The following TESK2 variants were observed in gnomAD, a reference collection of about 807,000 sequenced individuals.
TESK2 encodes the protein dual specificity testis-specific protein kinase 2.
A neutral mutation model predicts 57.1 loss-of-function variants in TESK2; 39 were observed. The ratio of observed to expected loss-of-function variants is 0.68; its 90% CI spans 0.53 to 0.89. TESK2 has a LOEUF of 0.89. Ranked by LOEUF, TESK2 falls within the 40% of genes least tolerant of loss-of-function variation. The pLI, the probability that TESK2 is intolerant of heterozygous loss-of-function variation, is 0.00. For synonymous variants in TESK2, 249 were observed against 267.9 expected (o/e 0.93, Z 0.69); for missense variants, 646 against 732.1 (o/e 0.88, Z 1.36).
At chr1:45,421,581 C>T (rs754960518) in intron 3 of TESK2, 144 bp downstream of exon 3, 102 of 1,146,858 alleles carry the variant, frequency 8.9e-5, no homozygotes, top group Non-Finnish European at 1.1e-4. Flanking sequence ...GGGTAGAAAA[C>T]GACCTAGAGT....
chr1:45,461,397 CA>C (rs1274805229), intron 1 of TESK2, among the ~76,000 whole-genome samples: 1 of 152,104 alleles, frequency 6.6e-6, no homozygotes, highest in East Asian at 1.9e-4. Flanking sequence ...GTCTGATCTC[CA>C]TTTTACAGAA....
At chr1:45,489,179 G>C (rs576267844) in intron 1 of TESK2, among the ~76,000 whole-genome samples, 1 of 150,296 alleles carries the variant, frequency 6.7e-6, no homozygotes, top group Admixed American at 6.6e-5. Flanking sequence ...GCTGGACCTC[G>C]AAAGCACGTG....
At chr1:45,447,721 C>T (rs1222225676) in intron 2 of TESK2, among the ~76,000 whole-genome samples, 1 of 152,042 alleles carries the variant, frequency 6.6e-6, no homozygotes, top group Admixed American at 6.5e-5. Context: ...ATACTTTATA[C>T]AATTGGCACT....
chr1:45,481,273 G>C (rs1173031033), intron 1 of TESK2, among the ~76,000 whole-genome samples: 1 of 151,988 alleles, frequency 6.6e-6, no homozygotes, highest in East Asian at 1.9e-4. Context: ...GCTGAGGCAG[G>C]AGAATGGCGT....
intron 3 of TESK2, among the ~76,000 whole-genome samples, chr1:45,386,802 C>T (rs541555067): frequency 3.9e-5 from 6 of 152,104 alleles, no homozygotes; most frequent in Non-Finnish European, 7.4e-5. Flanking sequence ...TACAGGCATG[C>T]GCCACCACGC....
intron 2 of TESK2, among the ~76,000 whole-genome samples, chr1:45,429,500 T>C (rs1387351821): frequency 1.3e-5 from 2 of 152,110 alleles, no homozygotes; most frequent in Non-Finnish European, 2.9e-5. Context: ...GCATCTTTGA[T>C]CTAATCCTTC....
chr1:45,439,944 C>G (rs1381754225), intron 2 of TESK2, among the ~76,000 whole-genome samples: 1 of 151,448 alleles, frequency 6.6e-6, no homozygotes, highest in Non-Finnish European at 1.5e-5. Context: ...GGCAACAAAG[C>G]AAGCGCCCCC....
At chr1:45,355,499 C>G (rs889370565) in intron 4 of TESK2, 50 bp from the exon 5 acceptor site, 14 of 1,575,284 alleles carry the variant, frequency 8.9e-6, no homozygotes, top group Non-Finnish European at 1.1e-5. Flanking sequence ...AATATTTAGG[C>G]TAGTGGTGAA....
At chr1:45,468,781 A>G (rs910533364) in intron 1 of TESK2, among the ~76,000 whole-genome samples, 3 of 152,168 alleles carry the variant, frequency 2.0e-5, no homozygotes, top group African/African-American at 7.2e-5. Context: ...CACTACTGGT[A>G]TTTTAGTGGG....
At chr1:45,461,143 G>A (rs1052836776) in intron 1 of TESK2, among the ~76,000 whole-genome samples, 1 of 146,730 alleles carries the variant, frequency 6.8e-6, no homozygotes, top group Non-Finnish European at 1.5e-5. Flanking sequence ...TTACAGGTGT[G>A]AACTGCCCCT....
chr1:45,392,242 T>C (rs542290323), intron 3 of TESK2, among the ~76,000 whole-genome samples: 102 of 152,226 alleles, frequency 6.7e-4, no homozygotes, highest in Non-Finnish European at 1.2e-3. Flanking sequence ...CCTGCCACCA[T>C]GCCCAGGTAA....
intron 3 of TESK2, among the ~76,000 whole-genome samples, chr1:45,408,582 T>C (rs1649932179): frequency 6.6e-6 from 1 of 152,208 alleles, no homozygotes; most frequent in South Asian, 2.1e-4. Context: ...TAAAAAATGT[T>C]TTAATTTTAT....
At chr1:45,455,065 C>A (rs1177074669) in intron 2 of TESK2, among the ~76,000 whole-genome samples, 3 of 152,150 alleles carry the variant, frequency 2.0e-5, no homozygotes, top group Non-Finnish European at 2.9e-5. Context: ...AAGCATTAAT[C>A]AGGCCGCACT....
intron 3 of TESK2, among the ~76,000 whole-genome samples, chr1:45,394,180 G>A (rs577420312): frequency 2.0e-5 from 3 of 151,520 alleles, no homozygotes; most frequent in Non-Finnish European, 4.4e-5. Context: ...TTGCTCTGTC[G>A]CCCAGTCTGG....
At chr1:45,487,966 G>A (rs1417348078) in intron 1 of TESK2, among the ~76,000 whole-genome samples, 1 of 150,882 alleles carries the variant, frequency 6.6e-6, no homozygotes, top group Non-Finnish European at 1.5e-5. Flanking sequence ...CCAGGCTGGA[G>A]TGCAGTGGTA....
chr1:45,347,833 C>A, intron 6 of TESK2, 85 bp downstream of exon 6: 1 of 1,439,338 alleles, frequency 6.9e-7, no homozygotes, highest in Non-Finnish European at 9.8e-7. Context: ...GTGACCAAGT[C>A]CTGGCCTCTG....
intron 4 of TESK2, among the ~76,000 whole-genome samples, chr1:45,366,198 T>C (rs1647906983): frequency 1.3e-5 from 2 of 152,048 alleles, no homozygotes; most frequent in Admixed American, 6.6e-5. Context: ...GCAATTCTCC[T>C]GCATCAGCCT....
chr1:45,354,737 C>T (rs949345598), intron 5 of TESK2, among the ~76,000 whole-genome samples: 10 of 132,098 alleles, frequency 7.6e-5, no homozygotes, highest in Admixed American at 1.7e-4. Context: ...TGCAGTGAGC[C>T]GAGACCATGC....
intron 2 of TESK2, among the ~76,000 whole-genome samples, chr1:45,449,236 GA>G (rs1036965363): frequency 1.0e-3 from 134 of 133,934 alleles, no homozygotes; most frequent in Middle Eastern, 3.8e-3. Flanking sequence ...AAAAAAAAAA[GA>G]AAAAAAAAAA....
Sources: gnomAD v4.1 joint callset for allele counts (sites outside exome capture counted in the v4.1 genomes callset) on GRCh38, gnomAD v4.1.1 for gene constraint, MANE v1.5 for transcripts, NCBI Gene and HGNC (gene_info 2026-07-23, HGNC 2026-07-21) for gene names.